HDGFL3: variants seen among roughly 807,000 people sequenced by gnomAD.
HDGFL3 encodes hepatoma-derived growth factor-related protein 3.
Under a neutral mutation model 27.6 loss-of-function variants are expected in HDGFL3, and 6 were observed. That is an observed-to-expected ratio of 0.22 (90% confidence interval 0.12 to 0.43). HDGFL3 has a LOEUF of 0.43. Among genes scored for constraint, HDGFL3 ranks in the 20% least tolerant of loss-of-function variants. The pLI is 1.00. For synonymous variants in HDGFL3, 88 were observed against 88.9 expected, an observed-to-expected ratio of 0.99 and a Z score of 0.05; for missense variants, 207 against 250.1, an observed-to-expected ratio of 0.83 and a Z score of 1.16.
chr15:83,118,164 T>G (rs1193788995), intron 3 of HDGFL3, among the ~76,000 whole-genome samples: 1 of 151,918 alleles, frequency 6.6e-6, no homozygotes, highest in Non-Finnish European at 1.5e-5. Context: ...GAGTTGAGAC[T>G]GCAGTGAGCA....
chr15:83,140,382 A>G (rs562509700), intron 5 of HDGFL3, among the ~76,000 whole-genome samples: 50 of 152,256 alleles, frequency 3.3e-4, no homozygotes, highest in African/African-American at 1.1e-3. Flanking sequence ...AACACCAGTT[A>G]TAAGATTATA....
rs869303457 is a variant in HDGFL3 at position 83,164,367 on chromosome 15, CAAAAAAA to C, written c.85-299_85-293del. ...TGTCCTAGTGAAAAATTAGAGTAAC[CAAAAAAA>C]AAAAAAAAAAAAAAAAAAAAGAATA... On this transcript the variant is annotated intron_variant, in intron 1 of 5. Coordinates refer to ENST00000299633, the MANE Select transcript of HDGFL3 (RefSeq NM_016073.4). Among the ~76,000 whole-genome samples the C allele has an allele frequency of 2.6e-3, 98 of 38,394 alleles. 2 individuals are homozygous for C. The East Asian group carries it at 0.051, about 20-fold the overall frequency. The allele number at this position is 38,394 out of a possible 152,430, so 25.2% of individuals were successfully genotyped here. A position where few individuals can be genotyped will look rare whatever the true frequency, so the allele number is the denominator to read the frequency against.
intron 1 of HDGFL3, among the ~76,000 whole-genome samples, chr15:83,189,188 C>A (rs1351201202): frequency 2.0e-5 from 3 of 152,124 alleles, no homozygotes; most frequent in Non-Finnish European, 4.4e-5. Context: ...TCTACCTTCC[C>A]CTACTCCACC....
chr15:83,143,356 G>T (rs1435561497), intron 5 of HDGFL3, among the ~76,000 whole-genome samples: 1 of 152,022 alleles, frequency 6.6e-6, no homozygotes, highest in African/African-American at 2.4e-5. Flanking sequence ...AGGTTGAGGC[G>T]GGCGAATCAC....
intron 2 of HDGFL3, among the ~76,000 whole-genome samples, chr15:83,159,861 T>C (rs2037076419): frequency 6.6e-6 from 1 of 152,150 alleles, no homozygotes; most frequent in African/African-American, 2.4e-5. Context: ...ACAGATTATT[T>C]AGGGCCTTGA....
In HDGFL3 at chr15:83,132,749, A is replaced by G. The variant is rs1219135232; in HGVS notation, c.*6521T>C. The G allele has an allele frequency of 6.6e-6, 1 of 152,220 alleles. No individual in the cohort carries two copies. Among genetic ancestry groups the G allele is most frequent in the Non-Finnish European group, 1.5e-5 (1 of 68,030 alleles). The allele number at this position is 152,220 out of a possible 1,614,324, so 9.4% of individuals were successfully genotyped here. On this transcript the variant is annotated 3_prime_UTR_variant, in exon 6 of 6. Transcript: ENST00000299633. ...ATGGAGACGTTAAGAAAAATCTGAA[A>G]GTAACAGTTTAGGAAGAACACGGAT...
chr15:83,149,913 C>G (rs143347593), intron 5 of HDGFL3, among the ~76,000 whole-genome samples: 10 of 152,212 alleles, frequency 6.6e-5, no homozygotes, highest in Non-Finnish European at 1.3e-4. Flanking sequence ...TTGGAGAAAA[C>G]AGGAGGAGAT....
At chr15:83,126,791 T>C (rs2035790564), downstream of HDGFL3, 4 of 1,614,088 alleles carry the variant, frequency 2.5e-6, no homozygotes, top group Non-Finnish European at 3.4e-6. Context: ...CTGCCGATTA[T>C]ATACGCAATT....
At chr15:83,166,882 T>G (rs2037177301) in intron 1 of HDGFL3, among the ~76,000 whole-genome samples, 1 of 152,122 alleles carries the variant, frequency 6.6e-6, no homozygotes, top group Non-Finnish European at 1.5e-5. Context: ...AACCCCATGA[T>G]CCAATCACCT....
intron 1 of HDGFL3, among the ~76,000 whole-genome samples, chr15:83,176,893 T>C (rs1448521567): frequency 2.2e-5 from 2 of 89,752 alleles, no homozygotes; most frequent in Admixed American, 1.0e-4. Context: ...TCCTATTTTT[T>C]ATTAAAGGAG....
intron 1 of HDGFL3, among the ~76,000 whole-genome samples, chr15:83,184,196 G>A (rs935754764): frequency 1.3e-5 from 2 of 152,120 alleles, no homozygotes; most frequent in African/African-American, 4.8e-5. Context: ...TTTTACCCTT[G>A]AATTCTGTTT....
In HDGFL3 at chr15:83,112,856, G is replaced by A. The variant is rs771328156; in HGVS notation, c.*2853C>T. ...CTGTTCCTGGTAGCACTGCTGGCTC[G>A]TGTCCTCGTCAAAAGAAAACCACCC... On this transcript the variant is annotated 3_prime_UTR_variant, in exon 4 of 4. Transcript: ENST00000568294. 4.3e-5 allele frequency: 69 copies of A among 1,613,948 alleles called. No homozygotes were observed. The highest frequency in any genetic ancestry group is 2.5e-4 in the African/African-American group (19 of 74,896).
At chr15:83,157,667 T>C (rs935458349) in intron 3 of HDGFL3, 94 bp from the exon 4 acceptor site, 77 of 1,251,580 alleles carry the variant, frequency 6.2e-5, no homozygotes, top group Non-Finnish European at 8.4e-5. Context: ...TTTGAAAGGG[T>C]TCCGCTTACT....
intron 1 of HDGFL3, among the ~76,000 whole-genome samples, chr15:83,177,516 C>T (rs2151413862): frequency 6.6e-6 from 1 of 152,292 alleles, no homozygotes; most frequent in East Asian, 1.9e-4. Flanking sequence ...AATTGACACA[C>T]TTTTAAAAAA....
In HDGFL3 at chr15:83,138,968, T is replaced by G. The variant is rs1323645277; in HGVS notation, c.*302A>C. On this transcript the variant is annotated 3_prime_UTR_variant, in exon 6 of 6. Coordinates refer to ENST00000299633, the MANE Select transcript of HDGFL3 (RefSeq NM_016073.4). ...CAGGAAAACGATGATCATAACTGCC[T>G]TGATAAAAGGATCCTAGACATGTAT... 2 of 228,344 alleles carry G rather than the reference T, an allele frequency of 8.8e-6. No individual in the cohort carries two copies. The highest frequency in any genetic ancestry group is 4.5e-5 in the African/African-American group (2 of 44,908). The allele number at this position is 228,344 out of a possible 1,614,324, so 14.1% of individuals were successfully genotyped here.
At chr15:83,127,317 C>G (rs1198731881), downstream of HDGFL3, 3 of 1,530,740 alleles carry the variant, frequency 2.0e-6, no homozygotes, top group Non-Finnish European at 2.6e-6. Context: ...GCCAAGTTAA[C>G]TGCCAATTTG....
intron 4 of HDGFL3, among the ~76,000 whole-genome samples, chr15:83,151,754 A>C (rs2036966371): frequency 6.6e-6 from 1 of 152,214 alleles, no homozygotes; most frequent in Non-Finnish European, 1.5e-5. Flanking sequence ...CCATCATTTT[A>C]TAGTAGTGGA....
At chr15:83,156,196 C>G (rs924400895) in intron 4 of HDGFL3, among the ~76,000 whole-genome samples, 2 of 152,156 alleles carry the variant, frequency 1.3e-5, no homozygotes. Flanking sequence ...ATGCTACATT[C>G]CTTTCCCTCT....
chr15:83,204,298 TTAAGG>T (rs1004405863), intron 1 of HDGFL3, among the ~76,000 whole-genome samples: 9 of 152,040 alleles, frequency 5.9e-5, no homozygotes, highest in Non-Finnish European at 1.0e-4. Flanking sequence ...AATGGTACAG[TTAAGG>T]TAAGTACATT....
Sources: gnomAD v4.1 joint callset for allele counts (sites outside exome capture counted in the v4.1 genomes callset) on GRCh38, gnomAD v4.1.1 for gene constraint, MANE v1.5 for transcripts, NCBI Gene and HGNC (gene_info 2026-07-23, HGNC 2026-07-21) for gene names.